AHDC1: variants seen among roughly 807,000 people sequenced by gnomAD.
The protein encoded by AHDC1 is AT-hook DNA binding motif containing 1.
AHDC1 carries 7 observed loss-of-function variants against 87.9 expected under a neutral mutation model. The observed-to-expected ratio is 0.08, with a 90% CI of 0.05 to 0.15. AHDC1 has a LOEUF of 0.15. AHDC1 is among the 10% of genes least tolerant of loss of function. The pLI is 1.00. For synonymous variants in AHDC1, 1,051 were observed against 1,006.8 expected, an observed-to-expected ratio of 1.04 and a Z score of -0.83; for missense variants, 1,841 against 2,253.2, an observed-to-expected ratio of 0.82 and a Z score of 3.70.
Position 27,550,333 on chromosome 1 carries a change from C to G in AHDC1, c.1783G>C (p.Ala595Pro). 1 of 1,614,086 alleles carries G rather than the reference C, an allele frequency of 6.2e-7. No homozygotes were observed. Reference protein sequence around the residue: ...KKRRRRKQKLASPQPSYAADA... With the variant: ...KKRRRRKQKLPSPQPSYAADA... ...GCTGCATAGGATGGCTGGGGAGATG[C>G]CAGCTTCTGCTTCCGCCGCCGTCGT... Residue 595 changes from alanine (A) to proline (P), a missense_variant, in exon 8 of 9, where the codon GCA becomes CCA. Around this residue, in one of 13 missense-constraint regions of AHDC1, gnomAD observed 84 missense variants for 111.7 expected, o/e 0.75. Transcript: ENST00000673934.
intron 3 of AHDC1, among the ~76,000 whole-genome samples, chr1:27,577,423 C>A (rs1395632829): frequency 6.6e-6 from 1 of 152,160 alleles, no homozygotes; most frequent in Non-Finnish European, 1.5e-5. Flanking sequence ...ACTCTCTGCT[C>A]CCAAGTGTCA....
Position 27,551,506 on chromosome 1 carries a change from G to T in AHDC1, c.610C>A (p.Pro204Thr), listed in dbSNP as rs142581771. The stretch of plus-strand genomic sequence containing the variant: ...TGGCCAGGCTGGGGACTGTCCCTAG[G>T]CTCAGGCTCAGGCTCGTAGAGGGGA... ...SHPLYEPEPE[P>T]RDSPQPGQGH... Residue 204 changes from proline (P) to threonine (T), a missense_variant, in exon 8 of 9, where the codon CCT (proline) becomes ACT (threonine). Coordinates refer to ENST00000673934, the MANE Select transcript of AHDC1 (RefSeq NM_001371928.1). 4 of 1,603,466 alleles carry T rather than the reference G, an allele frequency of 2.5e-6. No individual in the cohort carries two copies. The African/African-American group carries it at 5.3e-5, about 21-fold the overall frequency.
Position 27,549,247 on chromosome 1 carries a change from A to C in AHDC1, c.2869T>G (p.Ser957Ala). ...LVPPPSAMAR[S>A]PTTHPPANTY... The stretch of plus-strand genomic sequence containing the variant: ...TTGGCAGGCGGGTGGGTGGTAGGTG[A>C]GCGGGCCATGGCTGAGGGCGGGGGC... The change falls in exon 8 of 9, where the codon TCA (serine) becomes GCA (alanine). Residue 957 changes from serine (S) to alanine (A), a missense_variant. By Grantham distance (99) the Ser-to-Ala change is moderately conservative. Around this residue, in one of 13 missense-constraint regions of AHDC1, gnomAD observed 378 missense variants for 399.0 expected, o/e 0.95. Coordinates refer to ENST00000673934, the MANE Select transcript of AHDC1 (RefSeq NM_001371928.1). 2 of 1,604,236 alleles carry C rather than the reference A, an allele frequency of 1.2e-6. No homozygotes were observed. Among genetic ancestry groups the C allele is most frequent in the Non-Finnish European group, 1.7e-6 (2 of 1,174,264 alleles).
rs764906263 is a variant in AHDC1 at position 27,550,209 on chromosome 1, C to T, written c.1907G>A (p.Arg636His). Reference protein sequence around the residue: ...SQCAGRCSPPRCWTPSEPESV... With the variant: ...SQCAGRCSPPHCWTPSEPESV... The stretch of plus-strand genomic sequence containing the variant: ...CTCCGGCTCACTGGGTGTCCAGCAG[C>T]GGGGCGGTGAGCACCGTCCAGCGCA... The change falls in exon 8 of 9, where the codon CGC (arginine) becomes CAC (histidine). Residue 636 changes from arginine to histidine, a missense_variant. By Grantham distance (29) the Arg-to-His change is conservative. Transcript: ENST00000673934. 1 of 1,612,866 alleles carries T rather than the reference C, an allele frequency of 6.2e-7. No individual in the cohort carries two copies. Among genetic ancestry groups the T allele is most frequent in the Non-Finnish European group, 8.5e-7 (1 of 1,179,620 alleles).
At chr1:27,570,994 C>T (rs1412183507) in intron 3 of AHDC1, among the ~76,000 whole-genome samples, 5 of 152,140 alleles carry the variant, frequency 3.3e-5, no homozygotes, top group African/African-American at 4.8e-5. Context: ...CTCCCATCCC[C>T]CCAGCCTGGG....
chr1:27,551,485 C>T lies in AHDC1; in HGVS notation c.631G>A (p.Gly211Ser), dbSNP rs1056078180. The T allele has an allele frequency of 6.2e-7, 1 of 1,608,092 alleles. No individual in the cohort carries two copies. Among genetic ancestry groups the T allele is most frequent in the Non-Finnish European group, 8.5e-7 (1 of 1,177,692 alleles). The stretch of plus-strand genomic sequence containing the variant: ...GTGGCTCCGGGACTATGGCCTTGGC[C>T]AGGCTGGGGACTGTCCCTAGGCTCA... ...EPEPRDSPQP[G>S]QGHSPGATAA... The change falls in exon 8 of 9, where the codon GGC becomes AGC. Residue 211 changes from glycine (G) to serine (S), a missense_variant. Physicochemically the swap from Gly to Ser is moderately conservative, Grantham distance 56 (BLOSUM62 0). Coordinates refer to ENST00000673934, the MANE Select transcript of AHDC1 (RefSeq NM_001371928.1).
At chr1:27,575,892 G>A (rs549959970) in intron 3 of AHDC1, among the ~76,000 whole-genome samples, 43 of 151,754 alleles carry the variant, frequency 2.8e-4, no homozygotes, top group African/African-American at 9.7e-4. Context: ...CCGCTGAATG[G>A]GAGGGGGGGC....
intron 3 of AHDC1, among the ~76,000 whole-genome samples, chr1:27,566,537 A>G (rs2020322160): frequency 6.6e-6 from 1 of 151,700 alleles, no homozygotes; most frequent in Non-Finnish European, 1.5e-5. Flanking sequence ...CTGGAGACAG[A>G]CAGAGGGACT....
intron 3 of AHDC1, among the ~76,000 whole-genome samples, chr1:27,583,598 C>A (rs767390346): frequency 3.5e-4 from 54 of 152,256 alleles, no homozygotes; most frequent in Non-Finnish European, 6.3e-4. Flanking sequence ...CCAGGTCTCT[C>A]CCTCCTTCCT....
chr1:27,541,016 A>G (rs999086693), intron 8 of AHDC1, among the ~76,000 whole-genome samples: 12 of 150,570 alleles, frequency 8.0e-5, no homozygotes, highest in Non-Finnish European at 1.3e-4. Context: ...AAAAAAAAAA[A>G]AAAAAAAAAA....
rs547656373 is a variant in AHDC1 at position 27,548,565 on chromosome 1, C to T, written c.3551G>A (p.Arg1184His). ...ACTACTTGAGGCCTCGCTGTTGGCA[C>T]GCCGAAACCCCCCGCCACCAACCGG... ...NQPVGGGGFR[R>H]ANSEASSSEG... Residue 1184 changes from arginine (R) to histidine (H), a missense_variant, in exon 8 of 9, where the codon CGT becomes CAT. Around this residue, in one of 13 missense-constraint regions of AHDC1, gnomAD observed 505 missense variants for 626.2 expected, o/e 0.81. Transcript: ENST00000673934. The T allele has an allele frequency of 1.9e-5, 31 of 1,613,582 alleles. No homozygotes were observed. The highest frequency in any genetic ancestry group is 1.4e-4 in the South Asian group (13 of 91,086).
At chr1:27,553,846 G>C (rs1488234557) in intron 5 of AHDC1, among the ~76,000 whole-genome samples, 5 of 152,020 alleles carry the variant, frequency 3.3e-5, no homozygotes, top group African/African-American at 4.8e-5. Context: ...CAGGAGGATC[G>C]CTTGAGTCCA....
intron 3 of AHDC1, among the ~76,000 whole-genome samples, chr1:27,566,636 G>C (rs546762968): frequency 1.4e-5 from 2 of 144,994 alleles, no homozygotes; most frequent in Admixed American, 6.8e-5. Flanking sequence ...AAGTGTTAGA[G>C]TGTGGGGGGA....
rs939358808 is a variant in AHDC1 at position 27,547,240 on chromosome 1, C to T, written c.*43+21G>A. On this transcript the variant is annotated intron_variant, in intron 8 of 8. Transcript: ENST00000673934. The surrounding 1 kb of genome is among the most constrained non-coding windows in gnomAD (Gnocchi z 4.9). ...CCCACCCCCAGGCCTCTGCCCACTG[C>T]GCCCACATCCCCAGACTCACCCAGG... 7.5e-6 allele frequency: 11 copies of T among 1,466,856 alleles called. No individual in the cohort carries two copies. The highest frequency in any genetic ancestry group is 6.9e-5 in the East Asian group (3 of 43,546). 90.9% of individuals were successfully genotyped at this position (1,466,856 alleles called of 1,614,324 possible).
rs1181347867 is a variant in AHDC1, at chr1:27,552,131, C to T, written c.-16G>A. The T allele has an allele frequency of 4.2e-6, 6 of 1,429,534 alleles. No individual in the cohort carries two copies. In the East Asian group the frequency reaches 7.7e-5, roughly 18 times the overall value. 88.6% of individuals were successfully genotyped at this position (1,429,534 alleles called of 1,614,324 possible). On this transcript the variant is annotated 5_prime_UTR_variant, in exon 8 of 9. Transcript: ENST00000673934. ...TCACACGCATCCTGACCTTGTCCTC[C>T]GCAGGCCGCCGGGCGGGGCCGGGGC...
chr1:27,592,370 C>T (rs1421131482), intron 3 of AHDC1, among the ~76,000 whole-genome samples: 1 of 152,172 alleles, frequency 6.6e-6, no homozygotes, highest in East Asian at 1.9e-4. Context: ...CCATCACCTG[C>T]ACCACCTGTC....
intron 3 of AHDC1, among the ~76,000 whole-genome samples, chr1:27,580,273 C>T (rs1306019475): frequency 1.3e-5 from 2 of 152,262 alleles, no homozygotes; most frequent in East Asian, 3.9e-4. Flanking sequence ...GGCTCCAGAG[C>T]AGGTCACTTA....
At position 27,551,263 on chromosome 1, in the gene AHDC1, G is replaced by C. The variant is rs1328670398; in HGVS notation, c.853C>G (p.Pro285Ala). The change falls in exon 8 of 9, where the codon CCG becomes GCG. Residue 285 changes from proline (P) to alanine (A), a missense_variant. Transcript: ENST00000673934. ...LLDPQPRFLD[P>A]QALEPLGEAL... ...TCCCCGAGCGGCTCTAGTGCCTGCG[G>C]GTCCAGGAAGCGGGGCTGGGGGTCC... 6.2e-7 allele frequency: 1 copy of C among 1,610,006 alleles called. No individual in the cohort carries two copies. Among genetic ancestry groups the C allele is most frequent in the East Asian group, 2.2e-5 (1 of 44,868 alleles).
intron 8 of AHDC1, among the ~76,000 whole-genome samples, chr1:27,542,259 G>A (rs756428631): frequency 6.6e-5 from 10 of 152,224 alleles, no homozygotes; most frequent in Non-Finnish European, 1.2e-4. Flanking sequence ...ATTTCTAGCT[G>A]AGCCGGGTCA....
Sources: gnomAD v4.1 joint callset for allele counts (sites outside exome capture counted in the v4.1 genomes callset) on GRCh38, gnomAD v4.1.1 for gene constraint, gnomAD v4.1.1 regional missense constraint, Gnocchi (gnomAD v3.1) non-coding constraint, MANE v1.5 for transcripts, NCBI Gene and HGNC (gene_info 2026-07-23, HGNC 2026-07-21) for gene names.